Variants in OR2C3 observed in about 807,000 individuals in gnomAD.
The protein encoded by OR2C3 is olfactory receptor family 2 subfamily C member 3.
For missense variants in OR2C3, 425 were observed against 401.5 expected (o/e 1.06, Z -0.50); for synonymous variants, 178 against 163.4 (o/e 1.09, Z -0.68).
At position 247,536,189 on chromosome 1, in the gene OR2C3, A is replaced by G. The variant is rs1667210623; in HGVS notation, c.-423T>C. ...TTACTAATGGTGAGCTAGCAGCATC[A>G]TCTCTATTTATGCAGGGTGGAAATG... is the stretch of plus-strand genomic sequence containing the variant. On this transcript the variant is annotated 5_prime_UTR_variant, in exon 1 of 3. The change abolishes an upstream ATG in the 5' untranslated region. Coordinates refer to ENST00000641802, the MANE Select transcript of OR2C3 (RefSeq NM_198074.6). The G allele has an allele frequency of 6.6e-6, 1 of 152,226 alleles. No homozygotes were observed. Among genetic ancestry groups the G allele is most frequent in the Non-Finnish European group, 1.5e-5 (1 of 68,034 alleles). 9.4% of individuals were successfully genotyped at this position (152,226 alleles called of 1,614,324 possible).
rs568852733 is a variant in OR2C3 at position 247,531,590 on chromosome 1, C to G, written c.922G>C (p.Glu308Gln). The G allele has an allele frequency of 1.6e-5, 26 of 1,614,184 alleles. No individual in the cohort carries two copies. The South Asian group carries it at 2.7e-4, about 17-fold the overall frequency. ...TTGCCTGCAGAGCCACAGCAGTTCT[C>G]TAATACCATGTGCCGGAGGGCGCTC... Reference protein sequence around the residue: ...VKSALRHMVLENCCGSAGKLA... With the variant: ...VKSALRHMVLQNCCGSAGKLA... The change falls in exon 3 of 3, where the codon GAG becomes CAG. Residue 308 changes from glutamate to glutamine, a missense_variant. By Grantham distance (29) the Glu-to-Gln change is conservative. Transcript: ENST00000641802.
In OR2C3 at chr1:247,526,807, G is replaced by A; in HGVS notation, c.*4742C>T. On this transcript the variant is annotated 3_prime_UTR_variant, in exon 3 of 3. Transcript: ENST00000641802. The surrounding 1 kb of genome is among the most constrained non-coding windows in gnomAD (Gnocchi z 4.8). The stretch of plus-strand genomic sequence containing the variant: ...AAATTCTGACATATTCGGCTGAAAA[G>A]GGACCTGGCATCGAAAGACAAGTGG... 2 of 361,570 alleles carry A rather than the reference G, an allele frequency of 5.5e-6. No individual in the cohort carries two copies. Among genetic ancestry groups the A allele is most frequent in the Non-Finnish European group, 1.1e-5 (2 of 185,342 alleles). The allele number at this position is 361,570 out of a possible 1,614,324, so 22.4% of individuals were successfully genotyped here.
rs1306835015 is a variant in OR2C3 at position 247,529,721 on chromosome 1, T to TTG, written c.*1827_*1828insCA. ...GCCTCGGTGTTACTGTGAAGGTGTT[T>TTG]TTTTTTTTTTTTTTTTTTTTTTTTG... On this transcript the variant is annotated 3_prime_UTR_variant, in exon 3 of 3. Transcript: ENST00000641802. 0.012 allele frequency: 33 copies of TTG among 2,788 alleles called. No homozygotes were observed. Among genetic ancestry groups the TTG allele is most frequent in the African/African-American group, 0.015 (32 of 2,078 alleles). The allele number at this position is 2,788 out of a possible 1,614,324, so 0.2% of individuals were successfully genotyped here.
Position 247,532,223 on chromosome 1 carries a change from C to T in OR2C3, c.289G>A (p.Gly97Arg). 6.2e-7 allele frequency: 1 copy of T among 1,614,192 alleles called. No homozygotes were observed. The change falls in exon 3 of 3, where the codon GGG (glycine) becomes AGG (arginine). Residue 97 changes from glycine to arginine, a missense_variant. By Grantham distance (125) the Gly-to-Arg change is moderately radical. Transcript: ENST00000641802. Reference protein sequence around the residue: ...WGPQKTISYGGCVVQFYISHW... With the variant: ...WGPQKTISYGRCVVQFYISHW... ...GAGATATAGAACTGGACCACACACC[C>T]TCCATAGCTTATGGTTTTCTGTGGT...
In OR2C3 at chr1:247,531,547, C is replaced by A; in HGVS notation, c.*2G>T. ...CTTCCTTCTCAGAAGGCACTGGAGT[C>A]TCTAAATTTGCGCCAGCTTGCCTGC... On this transcript the variant is annotated 3_prime_UTR_variant, in exon 3 of 3. Transcript: ENST00000641802. 1 of 1,612,762 alleles carries A rather than the reference C, an allele frequency of 6.2e-7. No homozygotes were observed.
chr1:247,532,052 G>C lies in OR2C3; in HGVS notation c.460C>G (p.Leu154Val), dbSNP rs1477636748. Residue 154 changes from leucine to valine, a missense_variant, in exon 3 of 3, where the codon CTG becomes GTG. By Grantham distance (32) the Leu-to-Val change is conservative. Coordinates refer to ENST00000641802, the MANE Select transcript of OR2C3 (RefSeq NM_198074.6). ...GTGGAGCCCACCATGCTGGTGGTCA[G>C]ACCCCCCAGCCAGGAGGCCAAAGCT... is the stretch of plus-strand genomic sequence containing the variant. ...GLALASWLGG[L>V]TTSMVGSTLT... 2 of 1,614,066 alleles carry C rather than the reference G, an allele frequency of 1.2e-6. No homozygotes were observed. The highest frequency in any genetic ancestry group is 3.3e-5 in the Admixed American group (2 of 60,010).
rs771865161 is a variant in OR2C3, at chr1:247,531,569, C to T, written c.943G>A (p.Gly315Ser). 1.9e-6 allele frequency: 3 copies of T among 1,613,742 alleles called. No individual in the cohort carries two copies. In the South Asian group the frequency reaches 3.3e-5, roughly 18 times the overall value. ...AGTCTCTAAATTTGCGCCAGCTTGC[C>T]TGCAGAGCCACAGCAGTTCTCTAAT... ...MVLENCCGSA[G>S]KLAQI Residue 315 changes from glycine (G) to serine (S), a missense_variant, in exon 3 of 3, where the codon GGC (glycine) becomes AGC (serine). Coordinates refer to ENST00000641802, the MANE Select transcript of OR2C3 (RefSeq NM_198074.6).
Position 247,530,383 on chromosome 1 carries a change from T to C in OR2C3, c.*1166A>G, listed in dbSNP as rs1572311053. Reference sequence around the variant, plus strand: ...TTGTCCTTTAGATACACTGTATACATAGATAAGTAAAACAAAATGCACAAT... The same window carrying C: ...TTGTCCTTTAGATACACTGTATACACAGATAAGTAAAACAAAATGCACAAT... On this transcript the variant is annotated 3_prime_UTR_variant, in exon 3 of 3. Coordinates refer to ENST00000641802, the MANE Select transcript of OR2C3 (RefSeq NM_198074.6). 1 of 152,188 alleles carries C rather than the reference T, an allele frequency of 6.6e-6. No homozygotes were observed. The highest frequency in any genetic ancestry group is 1.9e-4 in the East Asian group (1 of 5,160). The allele number at this position is 152,188 out of a possible 1,614,324, so 9.4% of individuals were successfully genotyped here.
intron 1 of OR2C3, among the ~76,000 whole-genome samples, chr1:247,534,699 C>T (rs569626746): frequency 1.3e-5 from 2 of 152,254 alleles, no homozygotes; most frequent in African/African-American, 4.8e-5. Flanking sequence ...CAGCTGTGAA[C>T]TTAACTATCA....
At position 247,532,198 on chromosome 1, in the gene OR2C3, G is replaced by T. The variant is rs760084574; in HGVS notation, c.314C>A (p.Ser105Tyr). 29 of 1,614,082 alleles carry T rather than the reference G, an allele frequency of 1.8e-5. No homozygotes were observed. Among genetic ancestry groups the T allele is most frequent in the Non-Finnish European group, 2.4e-5 (28 of 1,180,048 alleles). Residue 105 changes from serine (S) to tyrosine (Y), a missense_variant, in exon 3 of 3, where the codon TCC becomes TAC. Transcript: ENST00000641802. The part of the protein sequence containing the change: ...YGGCVVQFYI[S>Y]HWLGATECVL... ...ACACTCGGTTGCCCCCAGCCAATGG[G>T]AGATATAGAACTGGACCACACACCC...
intron 1 of OR2C3, among the ~76,000 whole-genome samples, chr1:247,535,040 G>T (rs1176888774): frequency 6.6e-6 from 1 of 152,076 alleles, no homozygotes; most frequent in Admixed American, 6.5e-5. Context: ...AGCCGGGGGC[G>T]GTGGCTCATG....
chr1:247,535,515 A>C (rs1221169687), intron 1 of OR2C3, among the ~76,000 whole-genome samples: 1 of 152,232 alleles, frequency 6.6e-6, no homozygotes, highest in Non-Finnish European at 1.5e-5. Flanking sequence ...TAAACTGACA[A>C]CTGCATTATG....
rs1666908614 is a variant in OR2C3, at chr1:247,530,808, C to T, written c.*741G>A. 1.4e-4 allele frequency: 1 copy of T among 7,114 alleles called. No individual in the cohort carries two copies. The highest frequency in any genetic ancestry group is 2.9e-4 in the African/African-American group (1 of 3,500). 0.4% of individuals were successfully genotyped at this position (7,114 alleles called of 1,614,324 possible). ...CCCAGGACGTGGACCTGCCGGCCGC[C>T]TCTGGACCGCCTTCCTCGCCCTCCA... On this transcript the variant is annotated 3_prime_UTR_variant, in exon 3 of 3. Transcript: ENST00000641802.
In OR2C3 at chr1:247,527,674, A is replaced by G. The variant is rs1394703558; in HGVS notation, c.*3875T>C. On this transcript the variant is annotated 3_prime_UTR_variant, in exon 3 of 3. Coordinates refer to ENST00000641802, the MANE Select transcript of OR2C3 (RefSeq NM_198074.6). The surrounding 1 kb of genome is among the most constrained non-coding windows in gnomAD (Gnocchi z 4.6). ...TAAACAGTGATGTTTGGAAGCACATAATGTATAGTGATCAGATAAGTGTGA... is the reference window on the plus strand; with the variant it reads ...TAAACAGTGATGTTTGGAAGCACATGATGTATAGTGATCAGATAAGTGTGA... The G allele has an allele frequency of 1.3e-5, 2 of 152,456 alleles. No homozygotes were observed. Among genetic ancestry groups the G allele is most frequent in the Non-Finnish European group, 2.9e-5 (2 of 68,220 alleles). The allele number at this position is 152,456 out of a possible 1,614,324, so 9.4% of individuals were successfully genotyped here. A position where few individuals can be genotyped will look rare whatever the true frequency, so the allele number is the denominator to read the frequency against.
chr1:247,533,244 A>T (rs1463901470), intron 2 of OR2C3, among the ~76,000 whole-genome samples: 2 of 152,106 alleles, frequency 1.3e-5, no homozygotes, highest in Non-Finnish European at 2.9e-5. Context: ...AGTACTCTCA[A>T]AAAAGTGTTG....
rs937021391 is a variant in OR2C3, at chr1:247,530,039, G to A, written c.*1510C>T. 1 of 104,184 alleles carries A rather than the reference G, an allele frequency of 9.6e-6. No individual in the cohort carries two copies. The highest frequency in any genetic ancestry group is 1.0e-4 in the Admixed American group (1 of 9,760). The allele number at this position is 104,184 out of a possible 1,614,324, so 6.5% of individuals were successfully genotyped here. On this transcript the variant is annotated 3_prime_UTR_variant, in exon 3 of 3. Transcript: ENST00000641802. ...CTTTTTTCTCTCTCTCCCCCTCAGGGTGTGTGTGTGTGTGTGTATTCTCTT... is the reference window on the plus strand; with the variant it reads ...CTTTTTTCTCTCTCTCCCCCTCAGGATGTGTGTGTGTGTGTGTATTCTCTT...
At position 247,524,831 on chromosome 1, in the gene OR2C3, A is replaced by C. The variant is rs764108441; in HGVS notation, c.*6718T>G. ...TGACAAAGATGTGTAGAATCATGTC[A>C]ACTACCGCTACAAATCAGTAAGCAA... On this transcript the variant is annotated 3_prime_UTR_variant, in exon 3 of 3. Coordinates refer to ENST00000641802, the MANE Select transcript of OR2C3 (RefSeq NM_198074.6). 1.3e-4 allele frequency: 20 copies of C among 152,184 alleles called. No homozygotes were observed. The highest frequency in any genetic ancestry group is 2.8e-4 in the Non-Finnish European group (19 of 68,028). The allele number at this position is 152,184 out of a possible 1,614,324, so 9.4% of individuals were successfully genotyped here.
chr1:247,533,375 C>T (rs12567576), intron 2 of OR2C3, 132 bp downstream of exon 2: 1 of 152,070 alleles, frequency 6.6e-6, no homozygotes, highest in Non-Finnish European at 1.5e-5. Context: ...TAGAATCCCT[C>T]TTCCCCAAGG....
At chr1:247,535,972 C>CG (rs1667202632) in intron 1 of OR2C3, among the ~76,000 whole-genome samples, 196 bp downstream of exon 1, 1 of 152,158 alleles carries the variant, frequency 6.6e-6, no homozygotes, top group African/African-American at 2.4e-5. Flanking sequence ...GTTAACTAGG[C>CG]AGTCACAAAC....
Sources: allele counts gnomAD v4.1 joint callset (sites outside exome capture counted in the v4.1 genomes callset), GRCh38; gene constraint gnomAD v4.1.1; non-coding constraint Gnocchi (gnomAD v3.1); transcripts MANE v1.5; gene names NCBI Gene and HGNC (gene_info 2026-07-23, HGNC 2026-07-21).